The following PVT1 variants were observed in gnomAD, a reference collection of about 807,000 sequenced individuals.
PVT1 encodes the protein Pvt1 oncogene.
At chr8:127,944,120 G>A (rs1442627785) in intron 3 of PVT1, among the ~76,000 whole-genome samples, 1 of 152,152 alleles carries the variant, frequency 6.6e-6, no homozygotes, top group Non-Finnish European at 1.5e-5. Flanking sequence ...TTAAAGAGAT[G>A]GGGGTGGCCC....
At chr8:128,003,262 C>A (rs1817205788) in intron 4 of PVT1, among the ~76,000 whole-genome samples, 4 of 131,146 alleles carry the variant, frequency 3.1e-5, no homozygotes, top group Admixed American at 2.5e-4. Flanking sequence ...TTCCTTCCTT[C>A]TTTCCCTCCT....
At position 127,812,078 on chromosome 8, in the gene PVT1, C is replaced by T. The variant is rs1814600572; in HGVS notation, n.372+16007C>T. 4.7e-5 allele frequency among the ~76,000 whole-genome samples: 7 copies of T among 150,116 alleles called. No homozygotes were observed. In the South Asian group the frequency reaches 1.5e-3, roughly 32 times the overall value. The stretch of plus-strand genomic sequence containing the variant: ...AAGCTGTAGTTGCACCACTGCACTC[C>T]AGCCTGGGTGACAGGGTGAGACATC... On this transcript the variant is annotated intron_variant and non_coding_transcript_variant, in intron 2 of 10. Coordinates refer to ENST00000651587, the Ensembl canonical transcript of PVT1.
chr8:127,824,556 G>T lies in PVT1; in HGVS notation n.372+28485G>T, dbSNP rs1255814719. Among the ~76,000 whole-genome samples the T allele has an allele frequency of 2.0e-5, 3 of 152,180 alleles. No individual in the cohort carries two copies. The East Asian group carries it at 5.8e-4, about 29-fold the overall frequency. On this transcript the variant is annotated intron_variant and non_coding_transcript_variant, in intron 2 of 10. Transcript: ENST00000651587. ...TGAGATTTTTCTTTGTAGAAAATGT[G>T]GGAAATGTTAAGAGTATAAGGAAGA...
At chr8:128,026,664 G>C (rs1813293606) in intron 4 of PVT1, among the ~76,000 whole-genome samples, 1 of 152,138 alleles carries the variant, frequency 6.6e-6, no homozygotes, top group South Asian at 2.1e-4. Context: ...CCCTGGGAAG[G>C]CAGGCAGCAC....
At chr8:127,825,998 G>A (rs1174573613) in intron 2 of PVT1, among the ~76,000 whole-genome samples, 5 of 145,618 alleles carry the variant, frequency 3.4e-5, no homozygotes, top group African/African-American at 1.0e-4. Flanking sequence ...CTACAGGAGT[G>A]TGCCACCATG....
intron 2 of PVT1, among the ~76,000 whole-genome samples, chr8:127,827,286 A>T (rs965996416): frequency 6.6e-6 from 1 of 151,968 alleles, no homozygotes; most frequent in African/African-American, 2.4e-5. Flanking sequence ...GTGAGCCACC[A>T]CACCCGACCT....
chr8:127,849,584 T>G (rs988396926), intron 2 of PVT1, among the ~76,000 whole-genome samples: 4 of 152,220 alleles, frequency 2.6e-5, no homozygotes, highest in Non-Finnish European at 4.4e-5. Flanking sequence ...TCAGGGACAC[T>G]TGAAAATAAG....
intron 3 of PVT1, among the ~76,000 whole-genome samples, chr8:127,981,500 T>C (rs1816883198): frequency 6.6e-6 from 1 of 152,220 alleles, no homozygotes; most frequent in African/African-American, 2.4e-5. Flanking sequence ...ATGGCTTTGA[T>C]GTTCTGGGTG....
At chr8:127,888,029 C>T (rs188944456) in intron 2 of PVT1, among the ~76,000 whole-genome samples, 133 of 146,680 alleles carry the variant, frequency 9.1e-4, no homozygotes, top group Non-Finnish European at 1.6e-3. Context: ...CAACCTCGGC[C>T]TCCTGGGTTC....
chr8:127,834,356 C>T (rs530402071), intron 2 of PVT1, among the ~76,000 whole-genome samples: 10 of 152,052 alleles, frequency 6.6e-5, no homozygotes, highest in South Asian at 2.1e-4. Flanking sequence ...TCAGGAAAAC[C>T]GGCTAGCCAT....
At chr8:127,840,320 A>G (rs981383815) in intron 2 of PVT1, among the ~76,000 whole-genome samples, 3 of 152,206 alleles carry the variant, frequency 2.0e-5, no homozygotes, top group African/African-American at 7.2e-5. Flanking sequence ...CTTTCCTCCA[A>G]TGTCTTCAGA....
At chr8:128,049,600 G>A (rs1313402171) in intron 4 of PVT1, among the ~76,000 whole-genome samples, 1 of 152,132 alleles carries the variant, frequency 6.6e-6, no homozygotes, top group Non-Finnish European at 1.5e-5. Context: ...TGACCTGTGT[G>A]GATGCATTAT....
intron 4 of PVT1, among the ~76,000 whole-genome samples, chr8:128,026,987 C>T (rs551549565): frequency 1.3e-3 from 192 of 152,276 alleles, no homozygotes; most frequent in Non-Finnish European, 2.0e-3. Flanking sequence ...TTGCCTTCCT[C>T]GATCTTCTTG....
chr8:127,825,514 G>A (rs1225118637), intron 2 of PVT1, among the ~76,000 whole-genome samples: 2 of 152,176 alleles, frequency 1.3e-5, no homozygotes, highest in East Asian at 1.9e-4. Context: ...AGTTTGCTGC[G>A]TGGAAAATGA....
At chr8:128,005,514 C>T (rs1172181658) in intron 4 of PVT1, among the ~76,000 whole-genome samples, 1 of 152,130 alleles carries the variant, frequency 6.6e-6, no homozygotes, top group East Asian at 1.9e-4. Flanking sequence ...GTCGTCTTTC[C>T]CCTGCTATCT....
At chr8:127,798,702 TACAAA>T (rs1814426522) in intron 2 of PVT1, among the ~76,000 whole-genome samples, 1 of 20,656 alleles carries the variant, frequency 4.8e-5, no homozygotes, top group South Asian at 1.4e-3. Flanking sequence ...CTACTAAAAA[TACAAA>T]AAAAAAAAAA....
At chr8:127,852,728 T>C (rs1206126845) in intron 2 of PVT1, among the ~76,000 whole-genome samples, 1 of 152,214 alleles carries the variant, frequency 6.6e-6, no homozygotes, top group Non-Finnish European at 1.5e-5. Flanking sequence ...CCTTTATTAC[T>C]ATTCAAGAAG....
intron 2 of PVT1, among the ~76,000 whole-genome samples, chr8:127,804,073 A>G (rs2129647852): frequency 6.6e-6 from 1 of 152,064 alleles, no homozygotes; most frequent in East Asian, 1.9e-4. Context: ...CTGTAGTTCC[A>G]TCTTTGGTGG....
At chr8:128,058,182 T>C (rs13250078) in intron 4 of PVT1, among the ~76,000 whole-genome samples, 43,797 of 152,136 alleles carry the variant, frequency 0.29, 7,283 homozygotes, top group Middle Eastern at 0.44. Context: ...TAGCTTGTGA[T>C]GGATCCTTCC....
Sources: allele counts gnomAD v4.1 joint callset (sites outside exome capture counted in the v4.1 genomes callset), GRCh38; gene constraint gnomAD v4.1.1; transcripts MANE v1.5; gene names NCBI Gene and HGNC (gene_info 2026-07-23, HGNC 2026-07-21).